Variants in BBS9 observed in about 807,000 individuals in gnomAD.
The protein encoded by BBS9 is Bardet-Biedl syndrome 9.
BBS9 carries 89 observed loss-of-function variants against 117.7 expected under a neutral mutation model. That is an observed-to-expected ratio of 0.76 (90% CI 0.64 to 0.90). The LOEUF is 0.90. BBS9 is among the 40% of genes least tolerant of loss of function. BBS9 has a pLI of 0.00. For synonymous variants in BBS9, 379 were observed against 370.9 expected (o/e 1.02, Z -0.25); for missense variants, 982 against 1,042.2 (o/e 0.94, Z 0.80).
intron 19 of BBS9, among the ~76,000 whole-genome samples, chr7:33,485,330 G>A (rs1023731013): frequency 6.2e-5 from 8 of 128,724 alleles, no homozygotes; most frequent in African/African-American, 2.3e-4. Context: ...TTTTTTTTGA[G>A]ATGGAGTCTC....
chr7:33,324,812 C>T (rs73313148), intron 9 of BBS9, among the ~76,000 whole-genome samples: 12,974 of 152,158 alleles, frequency 0.085, 583 homozygotes, highest in South Asian at 0.14. Flanking sequence ...TCTCTCCTGG[C>T]TTGTAAAGTT....
intron 19 of BBS9, among the ~76,000 whole-genome samples, chr7:33,469,784 G>C (rs1032628547): frequency 4.6e-5 from 7 of 152,014 alleles, no homozygotes; most frequent in African/African-American, 1.7e-4. Context: ...GGCCCTTTTT[G>C]GTTCCAGAAA....
chr7:33,220,207 A>G (rs1357634535), intron 5 of BBS9, among the ~76,000 whole-genome samples: 2 of 152,178 alleles, frequency 1.3e-5, no homozygotes, highest in Non-Finnish European at 2.9e-5. Flanking sequence ...AGATGAGGAA[A>G]CTATTCACAC....
At chr7:33,327,258 T>G (rs926061326) in intron 9 of BBS9, among the ~76,000 whole-genome samples, 2 of 152,116 alleles carry the variant, frequency 1.3e-5, no homozygotes, top group African/African-American at 4.8e-5. Flanking sequence ...TTGTAAGGAT[T>G]TGAGCTTTTG....
chr7:33,256,294 A>C (rs1258411311), intron 5 of BBS9, among the ~76,000 whole-genome samples: 1 of 152,232 alleles, frequency 6.6e-6, no homozygotes, highest in Non-Finnish European at 1.5e-5. Context: ...TAATATAAAC[A>C]ATTTTTATCT....
intron 2 of BBS9, 64 bp downstream of exon 2, chr7:33,146,428 C>T (rs1341746613): frequency 3.6e-5 from 46 of 1,285,766 alleles, no homozygotes; most frequent in African/African-American, 7.3e-5. Flanking sequence ...AGACTGGGCA[C>T]GGTGGCCGAC....
chr7:33,423,183 A>C (rs1312183681), intron 19 of BBS9, among the ~76,000 whole-genome samples: 1 of 152,154 alleles, frequency 6.6e-6, no homozygotes, highest in Non-Finnish European at 1.5e-5. Flanking sequence ...AGACATTAAC[A>C]GGCCTGGCTA....
At chr7:33,427,939 A>G (rs1833880819) in intron 19 of BBS9, among the ~76,000 whole-genome samples, 1 of 152,256 alleles carries the variant, frequency 6.6e-6, no homozygotes, top group Middle Eastern at 3.4e-3. Flanking sequence ...AGAGGAAGTG[A>G]TCACCCCCAG....
chr7:33,340,993 TTAA>T lies in BBS9; in HGVS notation c.1275+21_1275+23del. ...GTTTCTGTAGGTGTACTTGCAGATT[TTAA>T]AGGGGTTTATAAGAGTGGTAAACTC... is the stretch of plus-strand genomic sequence containing the variant. On this transcript the variant is annotated intron_variant, in intron 11 of 22. Transcript: ENST00000242067. The T allele has an allele frequency of 6.3e-7, 1 of 1,599,064 alleles. No individual in the cohort carries two copies. The highest frequency in any genetic ancestry group is 8.6e-7 in the Non-Finnish European group (1 of 1,166,450).
intron 21 of BBS9, among the ~76,000 whole-genome samples, chr7:33,595,628 G>A (rs906923207): frequency 2.0e-5 from 3 of 152,236 alleles, no homozygotes; most frequent in Non-Finnish European, 4.4e-5. Flanking sequence ...ACAGTGTGGC[G>A]ATTCCTTAAG....
At chr7:33,492,202 C>CAAAA (rs1563251353) in intron 19 of BBS9, among the ~76,000 whole-genome samples, 43 of 41,088 alleles carry the variant, frequency 1.0e-3, no homozygotes, top group African/African-American at 6.7e-3. Context: ...GATTCCACCT[C>CAAAA]GAAAAAAAAA....
chr7:33,503,696 T>G (rs1845763278), intron 19 of BBS9, among the ~76,000 whole-genome samples: 1 of 151,930 alleles, frequency 6.6e-6, no homozygotes, highest in African/African-American at 2.4e-5. Context: ...TAAGCATCTG[T>G]GTCATAATGT....
chr7:33,611,695 A>AT (rs1264981577), intron 21 of BBS9, among the ~76,000 whole-genome samples: 1 of 135,372 alleles, frequency 7.4e-6, no homozygotes, highest in East Asian at 2.0e-4. Context: ...AATAATTAAT[A>AT]TTAATATATA....
intron 1 of BBS9, among the ~76,000 whole-genome samples, chr7:33,141,463 T>G (rs1186836935): frequency 1.3e-5 from 2 of 152,118 alleles, no homozygotes; most frequent in Non-Finnish European, 2.9e-5. Flanking sequence ...ACTCCTGGGC[T>G]CAATTGATCC....
chr7:33,303,806 G>A (rs1227690611), intron 9 of BBS9, among the ~76,000 whole-genome samples: 1 of 151,992 alleles, frequency 6.6e-6, no homozygotes, highest in Non-Finnish European at 1.5e-5. Context: ...CGCTCACTCA[G>A]TGCTCAATGT....
chr7:33,310,034 C>T (rs899355161), intron 9 of BBS9, among the ~76,000 whole-genome samples: 1 of 152,214 alleles, frequency 6.6e-6, no homozygotes, highest in Admixed American at 6.5e-5. Flanking sequence ...ATCTGTGTGT[C>T]TGCAAGACCT....
At chr7:33,633,854 T>G (rs758443305) in intron 21 of BBS9, among the ~76,000 whole-genome samples, 1 of 152,176 alleles carries the variant, frequency 6.6e-6, no homozygotes, top group Non-Finnish European at 1.5e-5. Flanking sequence ...AGTTTGTCAC[T>G]TGGACATCAG....
At chr7:33,289,464 GT>G (rs1199403202) in intron 9 of BBS9, among the ~76,000 whole-genome samples, 2 of 151,998 alleles carry the variant, frequency 1.3e-5, no homozygotes, top group Admixed American at 6.6e-5. Context: ...ATGTAAAAGT[GT>G]TTTTTCTTTT....
chr7:33,589,416 T>C (rs1488748358), intron 21 of BBS9, among the ~76,000 whole-genome samples: 1 of 152,132 alleles, frequency 6.6e-6, no homozygotes. Context: ...CTGTGGTTGA[T>C]TGCAGGTAAC....
Sources: gnomAD v4.1 joint callset for allele counts (sites outside exome capture counted in the v4.1 genomes callset) on GRCh38, gnomAD v4.1.1 for gene constraint, MANE v1.5 for transcripts, NCBI Gene and HGNC (gene_info 2026-07-23, HGNC 2026-07-21) for gene names.